SPHK2: variants seen among roughly 807,000 people sequenced by gnomAD.
SPHK2 encodes the protein sphingosine kinase 2.
A neutral mutation model predicts 32.3 loss-of-function variants in SPHK2; 18 were observed. The ratio of observed to expected loss-of-function variants is 0.56; its 90% CI spans 0.39 to 0.83. SPHK2 has a LOEUF of 0.83. Ranked by LOEUF, SPHK2 falls within the 40% of genes least tolerant of loss-of-function variation. SPHK2 has a pLI of 0.00. For missense variants in SPHK2, 850 were observed against 908.7 expected, an observed-to-expected ratio of 0.94 and a Z score of 0.83; for synonymous variants, 462 against 417.6, an observed-to-expected ratio of 1.11 and a Z score of -1.30.
At chr19:48,626,476 G>T (rs2029908505) in intron 3 of SPHK2, 114 bp downstream of exon 3, 2 of 1,316,810 alleles carry the variant, frequency 1.5e-6, no homozygotes, top group Admixed American at 6.1e-5. Context: ...GTATCTCTCT[G>T]GATCCGTTAG....
At chr19:48,625,166 C>T (rs1381020089) in intron 2 of SPHK2, 5 of 1,016,246 alleles carry the variant, frequency 4.9e-6, no homozygotes, top group African/African-American at 1.7e-5. Context: ...TGTCATATCC[C>T]TTCTCTCCAG....
Position 48,626,347 on chromosome 19 carries a change from C to A in SPHK2, c.496C>A (p.Leu166Met). 6.3e-7 allele frequency: 1 copy of A among 1,588,258 alleles called. No individual in the cohort carries two copies. The highest frequency in any genetic ancestry group is 8.5e-7 in the Non-Finnish European group (1 of 1,175,472). ...CACCTGTCTGCTCCGAGGACTGCCA[C>A]TGCCCGGGGATGGGGGTGAGGTGCT... ...ALTCLLRGLP[L>M]PGDGEITPDL... Residue 166 changes from leucine (L) to methionine (M), a missense_variant, in exon 3 of 7, where the codon CTG becomes ATG. This residue lies in a region of SPHK2 where 544 missense variants were observed against 640.0 expected (regional missense o/e 0.85). Transcript: ENST00000245222.
chr19:48,626,450 T>C, intron 3 of SPHK2, 88 bp downstream of exon 3: 1 of 1,417,408 alleles, frequency 7.1e-7, no homozygotes, highest in Non-Finnish European at 9.2e-7. Flanking sequence ...TTTATTTTTC[T>C]GTGTGTCTGG....
In SPHK2 at chr19:48,629,789, G is replaced by C; in HGVS notation, c.*16G>C. ...GGAGCCCTGAAACTAAACAAGCTTG[G>C]TACCCGCCGGGGGCGGGGCCTACAT... On this transcript the variant is annotated 3_prime_UTR_variant, in exon 7 of 7. Coordinates refer to ENST00000245222, the MANE Select transcript of SPHK2 (RefSeq NM_020126.5). 1.3e-6 allele frequency: 2 copies of C among 1,543,676 alleles called. No individual in the cohort carries two copies. Among genetic ancestry groups the C allele is most frequent in the Non-Finnish European group, 8.7e-7 (1 of 1,143,132 alleles).
intron 2 of SPHK2, among the ~76,000 whole-genome samples, chr19:48,622,033 A>AT (rs1974424215): frequency 6.6e-6 from 1 of 152,056 alleles, no homozygotes; most frequent in African/African-American, 2.4e-5. Flanking sequence ...AGATGGGCGG[A>AT]TCACGAGGTC....
Position 48,630,177 on chromosome 19 carries a change from C to G in SPHK2, c.*404C>G, listed in dbSNP as rs1408915206. On this transcript the variant is annotated 3_prime_UTR_variant, in exon 7 of 7. Transcript: ENST00000245222. This position sits in a 1 kb window ranked among gnomAD's most constrained non-coding sequence, Gnocchi z 4.9. ...GCCTCAGTGAGTCGGCCGGTCAGGG[C>G]CCGCAGCCTCGCCCCATCCACTCCG... is the stretch of plus-strand genomic sequence containing the variant. The G allele has an allele frequency of 8.0e-6, 10 of 1,247,296 alleles. No homozygotes were observed. The highest frequency in any genetic ancestry group is 1.0e-5 in the Non-Finnish European group (10 of 993,912). The allele number at this position is 1,247,296 out of a possible 1,614,324, so 77.3% of individuals were successfully genotyped here.
chr19:48,626,422 T>C, intron 3 of SPHK2, 60 bp downstream of exon 3: 1 of 1,475,544 alleles, frequency 6.8e-7, no homozygotes, highest in East Asian at 2.4e-5. Context: ...CAGAATTTCC[T>C]CCATAGGCAG....
At chr19:48,627,460 A>T (rs77921384) in intron 3 of SPHK2, among the ~76,000 whole-genome samples, 7,603 of 152,280 alleles carry the variant, frequency 0.05, 618 homozygotes, top group African/African-American at 0.17. Flanking sequence ...TCTGAACTAC[A>T]GCTCCTCCCA....
chr19:48,620,580 C>A (rs1380475566), intron 2 of SPHK2, 27 bp downstream of exon 2: 3 of 1,573,320 alleles, frequency 1.9e-6, no homozygotes, highest in African/African-American at 1.4e-5. Flanking sequence ...AAGCCAAGAT[C>A]CTCATACTGT....
In SPHK2 at chr19:48,629,684, G is replaced by A. The variant is rs750542828; in HGVS notation, c.1876G>A (p.Val626Met). Reference protein sequence around the residue: ...RGVLTVDGEQVEYGPLQAQMH... With the variant: ...RGVLTVDGEQMEYGPLQAQMH... ...CGTGCTCACAGTGGACGGGGAGCAG[G>A]TGGAGTATGGGCCGCTACAGGCACA... The change falls in exon 7 of 7, where the codon GTG becomes ATG. Residue 626 changes from valine (V) to methionine (M), a missense_variant. By Grantham distance (21) the Val-to-Met change is conservative (BLOSUM62 1). Transcript: ENST00000245222. 3.7e-6 allele frequency: 6 copies of A among 1,609,104 alleles called. No individual in the cohort carries two copies. Among genetic ancestry groups the A allele is most frequent in the Non-Finnish European group, 4.2e-6 (5 of 1,178,332 alleles).
rs368265772 is a variant in SPHK2 at position 48,620,500 on chromosome 19, G to A, written c.-15G>A. On this transcript the variant is annotated 5_prime_UTR_variant, in exon 2 of 7. Transcript: ENST00000245222. Reference sequence around the variant, plus strand: ...GCCAGGGTCCCGTTGATGTAACAGAGCAGAGGACCAGCAGATGAATGGACA... The same window carrying A: ...GCCAGGGTCCCGTTGATGTAACAGAACAGAGGACCAGCAGATGAATGGACA... 10 of 1,612,380 alleles carry A rather than the reference G, an allele frequency of 6.2e-6. No homozygotes were observed. In the African/African-American group the frequency reaches 1.1e-4, roughly 17 times the overall value.
rs1408915206 is a variant in SPHK2 at position 48,630,177 on chromosome 19, C to A, written c.*404C>A. ...GCCTCAGTGAGTCGGCCGGTCAGGGCCCGCAGCCTCGCCCCATCCACTCCG... is the reference window on the plus strand; with the variant it reads ...GCCTCAGTGAGTCGGCCGGTCAGGGACCGCAGCCTCGCCCCATCCACTCCG... On this transcript the variant is annotated 3_prime_UTR_variant, in exon 7 of 7. Coordinates refer to ENST00000245222, the MANE Select transcript of SPHK2 (RefSeq NM_020126.5). This position sits in a 1 kb window ranked among gnomAD's most constrained non-coding sequence, Gnocchi z 4.9. The A allele has an allele frequency of 8.0e-7, 1 of 1,247,414 alleles. No homozygotes were observed. The highest frequency in any genetic ancestry group is 1.0e-6 in the Non-Finnish European group (1 of 993,904). The allele number at this position is 1,247,414 out of a possible 1,614,324, so 77.3% of individuals were successfully genotyped here.
Position 48,621,331 on chromosome 19 carries a change from G to A in SPHK2, c.39+778G>A, listed in dbSNP as rs545960047. On this transcript the variant is annotated intron_variant, in intron 2 of 6. Transcript: ENST00000245222. ...CGACCTCAGGTGATACGCCGGCCTCGGCCTCCCAAAGTGCTGGGATTACAG... is the reference window on the plus strand; with the variant it reads ...CGACCTCAGGTGATACGCCGGCCTCAGCCTCCCAAAGTGCTGGGATTACAG... Among the ~76,000 whole-genome samples, 19 of 152,212 alleles carry A rather than the reference G, an allele frequency of 1.2e-4. 1 individual carries two copies. The highest frequency in any genetic ancestry group is 3.9e-4 in the African/African-American group (16 of 41,538).
Position 48,625,982 on chromosome 19 carries a change from T to A in SPHK2, c.131T>A (p.Leu44Gln). ...AKAMAPPPPPLAASTPLLHGE... is the reference protein window; with the variant it reads ...AKAMAPPPPPQAASTPLLHGE... Reference sequence around the variant, plus strand: ...GCCATGGCCCCGCCCCCACCGCCACTGGCTGCCAGCACCCCGCTCCTCCAT... The same window carrying A: ...GCCATGGCCCCGCCCCCACCGCCACAGGCTGCCAGCACCCCGCTCCTCCAT... Residue 44 changes from leucine (L) to glutamine (Q), a missense_variant, in exon 3 of 7, where the codon CTG (leucine) becomes CAG (glutamine). This residue lies in a region of SPHK2 where 544 missense variants were observed against 640.0 expected (regional missense o/e 0.85). Transcript: ENST00000245222. 1 of 1,613,218 alleles carries A rather than the reference T, an allele frequency of 6.2e-7. No individual in the cohort carries two copies. Among genetic ancestry groups the A allele is most frequent in the African/African-American group, 1.3e-5 (1 of 75,054 alleles).
intron 2 of SPHK2, chr19:48,624,373 G>A (rs1974523560): frequency 6.6e-6 from 1 of 152,518 alleles, no homozygotes; most frequent in Non-Finnish European, 1.5e-5. Flanking sequence ...CCCACCCCTA[G>A]GTCTGATGGG....
At chr19:48,625,771 G>C in intron 2 of SPHK2, 120 bp from the exon 3 acceptor site, 1 of 1,535,894 alleles carries the variant, frequency 6.5e-7, no homozygotes, top group Non-Finnish European at 8.7e-7. Flanking sequence ...GTCTGTCTCT[G>C]ATGCTCCTGT....
At chr19:48,626,440 T>C in intron 3 of SPHK2, 78 bp downstream of exon 3, 1 of 1,439,378 alleles carries the variant, frequency 6.9e-7, no homozygotes, top group Non-Finnish European at 9.1e-7. Context: ...CAGCTGTGTC[T>C]TTATTTTTCT....
Position 48,629,056 on chromosome 19 carries a change from G to T in SPHK2, c.1248G>T (p.Leu416=), listed in dbSNP as rs145973347. 274 of 1,612,892 alleles carry T rather than the reference G, an allele frequency of 1.7e-4. No homozygotes were observed. The highest frequency in any genetic ancestry group is 2.3e-4 in the Non-Finnish European group (270 of 1,179,706). Residue 416 remains leucine, a synonymous_variant, in exon 7 of 7, where the codon CTG becomes CTT. Coordinates refer to ENST00000245222, the MANE Select transcript of SPHK2 (RefSeq NM_020126.5). Reference sequence around the variant, plus strand: ...CCCCGCCCATGGCCCACTCACCCCTGCATCGTTCTGTGTCTGACCTGCCTC... The same window carrying T: ...CCCCGCCCATGGCCCACTCACCCCTTCATCGTTCTGTGTCTGACCTGCCTC... ...DPAPPMAHSP[L]HRSVSDLPLP...
chr19:48,627,167 G>A (rs1234644007), intron 3 of SPHK2, among the ~76,000 whole-genome samples: 1 of 152,198 alleles, frequency 6.6e-6, no homozygotes, highest in Non-Finnish European at 1.5e-5. Context: ...CGCAGGCAGA[G>A]AAAAGTGATT....
Sources: allele counts gnomAD v4.1 joint callset (sites outside exome capture counted in the v4.1 genomes callset), GRCh38; gene constraint gnomAD v4.1.1; regional missense constraint gnomAD v4.1.1; non-coding constraint Gnocchi (gnomAD v3.1); transcripts MANE v1.5; gene names NCBI Gene and HGNC (gene_info 2026-07-23, HGNC 2026-07-21).